Variants in OTUD4 observed in about 807,000 individuals in gnomAD.
The protein encoded by OTUD4 is OTU deubiquitinase 4, also known as OTU domain-containing protein 4.
In OTUD4, 24 loss-of-function variants were observed where a neutral mutation model predicts 130.4. The ratio of observed to expected loss-of-function variants is 0.18; its 90% CI spans 0.13 to 0.26. The LOEUF (loss-of-function observed/expected upper bound fraction) is 0.26, where lower values mean the gene tolerates loss of function less well. OTUD4 is among the 10% of genes least tolerant of loss of function. The pLI is 1.00. For missense variants in OTUD4, 1,031 were observed against 1,329.4 expected (o/e 0.78, Z 3.49); for synonymous variants, 420 against 472.5 (o/e 0.89, Z 1.44).
chr4:145,155,319 A>T, intron 10 of OTUD4, 92 bp downstream of exon 10: 1 of 934,062 alleles, frequency 1.1e-6, no homozygotes, highest in Non-Finnish European at 1.7e-6. Flanking sequence ...CCAAATTAAC[A>T]ACACATTCAC....
chr4:145,174,456 C>G (rs540742249), intron 2 of OTUD4, among the ~76,000 whole-genome samples: 1 of 152,210 alleles, frequency 6.6e-6, no homozygotes, highest in East Asian at 1.9e-4. Flanking sequence ...TCTAAATGTC[C>G]AAATAAATGC....
chr4:145,173,946 G>C lies in OTUD4; in HGVS notation c.243+715C>G, dbSNP rs150227116. Among the ~76,000 whole-genome samples the C allele has an allele frequency of 2.9e-3, 432 of 151,574 alleles. 4 individuals carry two copies. The highest frequency in any genetic ancestry group is 9.6e-3 in the African/African-American group (397 of 41,322). The stretch of plus-strand genomic sequence containing the variant: ...AATTAAAAACCTATGAATGCCTTCT[G>C]ATAAAATTAAGGGTTCAGCATTACT... On this transcript the variant is annotated intron_variant, in intron 2 of 20. Coordinates refer to ENST00000447906, the MANE Select transcript of OTUD4 (RefSeq NM_001366057.1).
intron 8 of OTUD4, 51 bp downstream of exon 8, chr4:145,155,885 T>G (rs776922886): frequency 1.4e-6 from 2 of 1,410,580 alleles, no homozygotes; most frequent in Non-Finnish European, 2.0e-6. Context: ...TTAATGTACA[T>G]GCTTTCTTAT....
rs114881583 is a variant in OTUD4 at position 145,167,306 on chromosome 4, C to T, written c.295-2109G>A. Among the ~76,000 whole-genome samples the T allele has an allele frequency of 5.7e-3, 871 of 152,294 alleles. 9 individuals are homozygous for T. The highest frequency in any genetic ancestry group is 0.02 in the African/African-American group (847 of 41,568). On this transcript the variant is annotated intron_variant, in intron 3 of 20. Coordinates refer to ENST00000447906, the MANE Select transcript of OTUD4 (RefSeq NM_001366057.1). ...TTTTAAACAATGTTTTGATCTTAGA[C>T]CAGCACAATCTTTTCCCTCAGAGAC...
At position 145,135,308 on chromosome 4, in the gene OTUD4, A is replaced by G. The variant is rs1398740221; in HGVS notation, c.*2122T>C. The stretch of plus-strand genomic sequence containing the variant: ...TACTCAATTGAGGTAAGACAAAGTG[A>G]CAATGAAGATATGAGTAGTATTTCC... On this transcript the variant is annotated 3_prime_UTR_variant, in exon 21 of 21. Transcript: ENST00000447906. 2 of 153,688 alleles carry G rather than the reference A, an allele frequency of 1.3e-5. No individual in the cohort carries two copies. The highest frequency in any genetic ancestry group is 2.9e-5 in the Non-Finnish European group (2 of 69,106). 9.5% of individuals were successfully genotyped at this position (153,688 alleles called of 1,614,324 possible).
chr4:145,144,491 A>T (rs1474014938), intron 14 of OTUD4, 57 bp from the exon 15 acceptor site: 1 of 1,525,224 alleles, frequency 6.6e-7, no homozygotes, highest in African/African-American at 1.4e-5. Flanking sequence ...CAGATACATG[A>T]ACAAATTCTG....
chr4:145,156,788 C>G (rs1037121149), intron 7 of OTUD4, among the ~76,000 whole-genome samples: 1 of 152,178 alleles, frequency 6.6e-6, no homozygotes, highest in African/African-American at 2.4e-5. Flanking sequence ...CATTCATATA[C>G]TCAATAAATA....
chr4:145,159,712 G>GT, intron 6 of OTUD4, 77 bp from the exon 7 acceptor site: 1 of 1,353,884 alleles, frequency 7.4e-7, no homozygotes, highest in Non-Finnish European at 1.0e-6. Context: ...CCATCACATT[G>GT]TAACTTTCTA....
intron 3 of OTUD4, among the ~76,000 whole-genome samples, chr4:145,169,844 G>A (rs897286679): frequency 1.3e-5 from 2 of 152,158 alleles, no homozygotes; most frequent in Admixed American, 6.5e-5. Flanking sequence ...ACAACTGTCA[G>A]AAGATGCCAT....
At chr4:145,161,543 G>A (rs750002674) in intron 6 of OTUD4, among the ~76,000 whole-genome samples, 2 of 152,214 alleles carry the variant, frequency 1.3e-5, no homozygotes, top group African/African-American at 2.4e-5. Flanking sequence ...GGTAGGAAGG[G>A]TCACTGCTCT....
rs1750139501 is a variant in OTUD4 at position 145,134,398 on chromosome 4, G to A, written c.*3032C>T. ...ATCTAAAAATGAAGGTAAAACGAAA[G>A]AGGCAAAAATAAATATTGCTAGTTT... On this transcript the variant is annotated 3_prime_UTR_variant, in exon 21 of 21. Transcript: ENST00000447906. 3.5e-6 allele frequency: 1 copy of A among 281,962 alleles called. No individual in the cohort carries two copies. The highest frequency in any genetic ancestry group is 5.2e-5 in the Admixed American group (1 of 19,248). The allele number at this position is 281,962 out of a possible 1,614,324, so 17.5% of individuals were successfully genotyped here.
At chr4:145,162,268 A>G (rs749529016) in intron 6 of OTUD4, among the ~76,000 whole-genome samples, 4 of 152,138 alleles carry the variant, frequency 2.6e-5, no homozygotes, top group Admixed American at 1.3e-4. Context: ...TTAAGACTGT[A>G]TAAGGCCGGG....
intron 13 of OTUD4, 111 bp downstream of exon 13, chr4:145,150,402 G>A: frequency 1.5e-6 from 1 of 674,040 alleles, no homozygotes; most frequent in Non-Finnish European, 2.6e-6. Flanking sequence ...ACTAATATAG[G>A]GACAATGATA....
At position 145,174,517 on chromosome 4, in the gene OTUD4, G is replaced by C. The variant is rs36224527; in HGVS notation, c.243+144C>G. ...ACATAACTGAATATAACTAGATTAAGTTCAATAGAGAAGTTTTTTTAATAA... is the reference window on the plus strand; with the variant it reads ...ACATAACTGAATATAACTAGATTAACTTCAATAGAGAAGTTTTTTTAATAA... On this transcript the variant is annotated intron_variant, in intron 2 of 20. Transcript: ENST00000447906. 5.1e-3 allele frequency: 2,952 copies of C among 583,104 alleles called. 69 individuals are homozygous for C. The highest frequency in any genetic ancestry group is 0.049 in the African/African-American group (2,648 of 53,634). 36.1% of individuals were successfully genotyped at this position (583,104 alleles called of 1,614,324 possible).
At chr4:145,154,606 AC>A (rs1285157224) in intron 10 of OTUD4, among the ~76,000 whole-genome samples, 2 of 152,190 alleles carry the variant, frequency 1.3e-5, no homozygotes, top group Admixed American at 1.3e-4. Flanking sequence ...CAAATGAAGA[AC>A]AAAAAACAAG....
chr4:145,143,991 A>G lies in OTUD4; in HGVS notation c.1557T>C (p.His519=). Residue 519 remains histidine (H), a synonymous_variant, in exon 16 of 21, where the codon CAT becomes CAC. Transcript: ENST00000447906. The part of the protein sequence containing the change: ...TEERKDKDSI[H]GHSQLDKRPE... ...GTCTTTTATCCAACTGACTATGTCC[A>G]TGAATAGAGTCTATAGCAGATCAAG... 1 of 1,612,512 alleles carries G rather than the reference A, an allele frequency of 6.2e-7. No homozygotes were observed. Among genetic ancestry groups the G allele is most frequent in the Non-Finnish European group, 8.5e-7 (1 of 1,178,656 alleles).
intron 1 of OTUD4, among the ~76,000 whole-genome samples, chr4:145,175,838 G>A (rs1752393734): frequency 6.6e-6 from 1 of 151,372 alleles, no homozygotes; most frequent in African/African-American, 2.4e-5. Context: ...GAGCCACTGT[G>A]CCCAGCCTGA....
rs555837360 is a variant in OTUD4 at position 145,179,637 on chromosome 4, C to A, written c.159+178G>T. ...GCGGGCTTTCGAGTTTCAATTTGCACCTTTCAGACGCAAAGCAGCGTCCCA... is the reference window on the plus strand; with the variant it reads ...GCGGGCTTTCGAGTTTCAATTTGCAACTTTCAGACGCAAAGCAGCGTCCCA... On this transcript the variant is annotated intron_variant, in intron 1 of 20. Transcript: ENST00000447906. The A allele has an allele frequency of 1.9e-5, 26 of 1,397,194 alleles. No individual in the cohort carries two copies. In the South Asian group the frequency reaches 2.4e-4, roughly 13 times the overall value. The allele number at this position is 1,397,194 out of a possible 1,614,324, so 86.5% of individuals were successfully genotyped here.
intron 7 of OTUD4, among the ~76,000 whole-genome samples, chr4:145,158,052 T>C (rs1751378077): frequency 6.6e-6 from 1 of 152,204 alleles, no homozygotes; most frequent in African/African-American, 2.4e-5. Flanking sequence ...TAAAGCAAAA[T>C]TTCTACCTAG....
Sources: allele counts gnomAD v4.1 joint callset (sites outside exome capture counted in the v4.1 genomes callset), GRCh38; gene constraint gnomAD v4.1.1; transcripts MANE v1.5; gene names NCBI Gene and HGNC (gene_info 2026-07-23, HGNC 2026-07-21).